SLC35D2: variants seen among roughly 807,000 people sequenced by gnomAD.
SLC35D2 encodes the protein solute carrier family 35 member D2.
SLC35D2 carries 43 observed loss-of-function variants against 41.8 expected under a neutral mutation model. That is an observed-to-expected ratio of 1.03 (90% confidence interval 0.81 to 1.33). The LOEUF (loss-of-function observed/expected upper bound fraction) is 1.33, where lower values mean the gene tolerates loss of function less well. SLC35D2 is among the 40% of genes most tolerant of loss of function. The pLI is 0.00. For missense variants in SLC35D2, 380 were observed against 408.4 expected (o/e 0.93, Z 0.60); for synonymous variants, 150 against 163.9 (o/e 0.92, Z 0.65).
intron 3 of SLC35D2, 32 bp from the exon 4 acceptor site, chr9:96,360,253 G>C: frequency 6.6e-7 from 1 of 1,525,876 alleles, no homozygotes; most frequent in Non-Finnish European, 9.0e-7. Flanking sequence ...GAAATATTTG[G>C]TTAGAACTCC....
chr9:96,322,998 C>G (rs1399346521), intron 10 of SLC35D2, among the ~76,000 whole-genome samples: 1 of 151,072 alleles, frequency 6.6e-6, no homozygotes, highest in African/African-American at 2.4e-5. Context: ...GGATTACAGG[C>G]ATAAGCCACT....
intron 2 of SLC35D2, 67 bp downstream of exon 2, chr9:96,368,205 G>A: frequency 3.8e-6 from 5 of 1,299,454 alleles, no homozygotes; most frequent in Non-Finnish European, 5.4e-6. Context: ...TTAAACAAAA[G>A]GACTTAAAAT....
chr9:96,373,271 C>T (rs1383813777), intron 1 of SLC35D2, among the ~76,000 whole-genome samples: 1 of 152,140 alleles, frequency 6.6e-6, no homozygotes, highest in Non-Finnish European at 1.5e-5. Flanking sequence ...ATGCCATACA[C>T]CCTATAGTTC....
intron 8 of SLC35D2, among the ~76,000 whole-genome samples, chr9:96,338,485 G>A (rs1239900420): frequency 6.6e-6 from 1 of 150,414 alleles, no homozygotes; most frequent in Non-Finnish European, 1.5e-5. Flanking sequence ...GAGCCCAGGA[G>A]ATGGAGGCTG....
chr9:96,383,682 C>T lies in SLC35D2; in HGVS notation c.-48G>A. 1.0e-6 allele frequency: 1 copy of T among 986,158 alleles called. No individual in the cohort carries two copies. The highest frequency in any genetic ancestry group is 4.6e-5 in the South Asian group (1 of 21,944). 61.1% of individuals were successfully genotyped at this position (986,158 alleles called of 1,614,324 possible). On this transcript the variant is annotated 5_prime_UTR_variant, in exon 1 of 12. The change creates a new upstream start codon in the 5' untranslated region. Coordinates refer to ENST00000253270, the MANE Select transcript of SLC35D2 (RefSeq NM_007001.3). Reference sequence around the variant, plus strand: ...GCCGCCCGCCAGCCCCGGCTGCGCACTGGTCCCGCCCGGCCGGGCCGGGGA... The same window carrying T: ...GCCGCCCGCCAGCCCCGGCTGCGCATTGGTCCCGCCCGGCCGGGCCGGGGA...
intron 9 of SLC35D2, among the ~76,000 whole-genome samples, chr9:96,331,412 A>C (rs1000175627): frequency 6.6e-6 from 1 of 152,144 alleles, no homozygotes; most frequent in Non-Finnish European, 1.5e-5. Context: ...GGATTCAGTG[A>C]GCACTAATCA....
intron 6 of SLC35D2, among the ~76,000 whole-genome samples, chr9:96,347,468 T>G (rs1026051202): frequency 1.3e-4 from 20 of 152,164 alleles, no homozygotes; most frequent in African/African-American, 4.8e-4. Context: ...CCCTTGCAGT[T>G]GTTCAAGCGA....
At chr9:96,330,499 G>A (rs1215376938) in intron 9 of SLC35D2, among the ~76,000 whole-genome samples, 1 of 152,152 alleles carries the variant, frequency 6.6e-6, no homozygotes, top group Non-Finnish European at 1.5e-5. Context: ...TTGTTATTTA[G>A]TTGCATCCAT....
chr9:96,378,355 C>A (rs566069431), intron 1 of SLC35D2, among the ~76,000 whole-genome samples: 1 of 152,004 alleles, frequency 6.6e-6, no homozygotes, highest in African/African-American at 2.4e-5. Flanking sequence ...ATTGTCTGAG[C>A]CAGCAGAGGT....
At chr9:96,318,435 G>A (rs531234998), downstream of SLC35D2, among the ~76,000 whole-genome samples, 525 of 152,208 alleles carry the variant, frequency 3.4e-3, 9 homozygotes, top group African/African-American at 0.012. Context: ...TACAGCCTGG[G>A]AGACAGAGTG....
At chr9:96,366,224 C>T (rs533221356) in intron 2 of SLC35D2, among the ~76,000 whole-genome samples, 2 of 150,270 alleles carry the variant, frequency 1.3e-5, no homozygotes, top group South Asian at 4.2e-4. Flanking sequence ...ATCACTTGAG[C>T]CCAGGAGGTG....
intron 4 of SLC35D2, among the ~76,000 whole-genome samples, chr9:96,352,731 G>A (rs1466752429): frequency 6.6e-6 from 1 of 152,010 alleles, no homozygotes; most frequent in Non-Finnish European, 1.5e-5. Flanking sequence ...TCAGGCCTAT[G>A]CGTCATCATT....
chr9:96,375,926 C>T (rs552931289), intron 1 of SLC35D2, among the ~76,000 whole-genome samples: 47 of 151,468 alleles, frequency 3.1e-4, no homozygotes, highest in Middle Eastern at 3.4e-3. Flanking sequence ...TTTGGGAGGC[C>T]GAGGCAGGTG....
At chr9:96,353,285 C>T (rs1829884608) in intron 4 of SLC35D2, among the ~76,000 whole-genome samples, 1 of 151,926 alleles carries the variant, frequency 6.6e-6, no homozygotes, top group African/African-American at 2.4e-5. Flanking sequence ...GATACAAAAC[C>T]ATGTAGGATC....
In SLC35D2 at chr9:96,321,112, A is replaced by G; in HGVS notation, c.*130T>C. 1 of 660,138 alleles carries G rather than the reference A, an allele frequency of 1.5e-6. No individual in the cohort carries two copies. The highest frequency in any genetic ancestry group is 2.7e-6 in the Non-Finnish European group (1 of 377,240). The allele number at this position is 660,138 out of a possible 1,614,324, so 40.9% of individuals were successfully genotyped here. A position where few individuals can be genotyped will look rare whatever the true frequency, so the allele number is the denominator to read the frequency against. Reference sequence around the variant, plus strand: ...CTGCATATGAGGTAGTTCTCTTTGCATTTTGCAGATGCTCTCACTTGCCCA... The same window carrying G: ...CTGCATATGAGGTAGTTCTCTTTGCGTTTTGCAGATGCTCTCACTTGCCCA... On this transcript the variant is annotated 3_prime_UTR_variant, in exon 12 of 12. Transcript: ENST00000253270.
At chr9:96,314,165 C>T (rs1386993642) in exon 12 of SLC35D2, 3 of 152,310 alleles carry the variant, frequency 2.0e-5, no homozygotes, top group Admixed American at 6.5e-5. Flanking sequence ...GAGGGCAGAT[C>T]ACTTGAGCCT....
intron 1 of SLC35D2, among the ~76,000 whole-genome samples, chr9:96,372,891 G>C (rs1277822969): frequency 1.4e-5 from 2 of 146,960 alleles, no homozygotes; most frequent in Non-Finnish European, 3.0e-5. Context: ...CGGGTTTTTT[G>C]TTCTTTTGTT....
intron 7 of SLC35D2, among the ~76,000 whole-genome samples, chr9:96,344,976 G>A (rs539581400): frequency 3.3e-5 from 5 of 152,236 alleles, no homozygotes; most frequent in East Asian, 1.9e-4. Context: ...CCAAACTAGC[G>A]CTCTCTGAAC....
intron 8 of SLC35D2, among the ~76,000 whole-genome samples, chr9:96,337,660 G>A (rs373580280): frequency 6.6e-6 from 1 of 152,094 alleles, no homozygotes; most frequent in African/African-American, 2.4e-5. Context: ...TAATTGGGGT[G>A]GAGGACATGG....
Sources: allele counts gnomAD v4.1 joint callset (sites outside exome capture counted in the v4.1 genomes callset), GRCh38; gene constraint gnomAD v4.1.1; transcripts MANE v1.5; gene names NCBI Gene and HGNC (gene_info 2026-07-23, HGNC 2026-07-21).